ETNK1: variants seen among roughly 807,000 people sequenced by gnomAD.
The protein encoded by ETNK1 is ethanolamine kinase 1.
A neutral mutation model predicts 45.1 loss-of-function variants in ETNK1; 8 were observed. That is an observed-to-expected ratio of 0.18 (90% confidence interval 0.10 to 0.32). ETNK1 has a LOEUF of 0.32. Among genes scored for constraint, ETNK1 ranks in the 10% least tolerant of loss-of-function variants. ETNK1 has a pLI of 1.00. For missense variants in ETNK1, 302 were observed against 430.6 expected (o/e 0.70, Z 2.64); for synonymous variants, 152 against 151.9 (o/e 1.00, Z -0.01).
intron 1 of ETNK1, among the ~76,000 whole-genome samples, chr12:22,639,561 C>T (rs1953707290): frequency 6.6e-6 from 1 of 152,008 alleles, no homozygotes; most frequent in African/African-American, 2.4e-5. Context: ...CCTGTAATCC[C>T]AGCTACTTGG....
At chr12:22,650,219 A>T (rs994740610) in intron 2 of ETNK1, among the ~76,000 whole-genome samples, 2 of 151,602 alleles carry the variant, frequency 1.3e-5, no homozygotes, top group African/African-American at 4.8e-5. Flanking sequence ...CTCCATAGAA[A>T]ATCATGTTAT....
At chr12:22,627,701 C>T (rs562013560) in intron 1 of ETNK1, among the ~76,000 whole-genome samples, 5 of 152,122 alleles carry the variant, frequency 3.3e-5, no homozygotes, top group Middle Eastern at 3.4e-3. Flanking sequence ...ATATAGTCGA[C>T]AGAGTATAAT....
intron 2 of ETNK1, 72 bp downstream of exon 2, chr12:22,644,094 A>G: frequency 2.7e-6 from 4 of 1,500,274 alleles, no homozygotes; most frequent in Non-Finnish European, 3.6e-6. Context: ...ATATTTTTTA[A>G]AATTGTCTTT....
In ETNK1 at chr12:22,689,974, T is replaced by G. The variant is rs536257779; in HGVS notation, c.*5020T>G. The G allele has an allele frequency of 2.6e-5, 4 of 152,618 alleles. No homozygotes were observed. Among genetic ancestry groups the G allele is most frequent in the African/African-American group, 9.6e-5 (4 of 41,570 alleles). 9.5% of individuals were successfully genotyped at this position (152,618 alleles called of 1,614,324 possible). A position where few individuals can be genotyped will look rare whatever the true frequency, so the allele number is the denominator to read the frequency against. The stretch of plus-strand genomic sequence containing the variant: ...TATGAAGTATTTGAGTTTTAAAATA[T>G]ACTGTTATTAAAAGGAAAAAGACAT... On this transcript the variant is annotated 3_prime_UTR_variant, in exon 8 of 8. Transcript: ENST00000266517.
At chr12:22,631,866 T>TA (rs2137516234) in intron 1 of ETNK1, among the ~76,000 whole-genome samples, 1 of 152,338 alleles carries the variant, frequency 6.6e-6, no homozygotes, top group South Asian at 2.1e-4. Context: ...TACTCTTTGA[T>TA]ATACCAGATT....
rs963855788 is a variant in ETNK1, at chr12:22,659,754, A to G, written c.557+600A>G. Among the ~76,000 whole-genome samples, 7 of 152,206 alleles carry G rather than the reference A, an allele frequency of 4.6e-5. No homozygotes were observed. In the East Asian group the frequency reaches 7.7e-4, roughly 17 times the overall value. ...GGTAGCTGCTGTTTTAAAAATTACT[A>G]TTGTTATTCAAAGAAGGTTATTTGA... On this transcript the variant is annotated intron_variant, in intron 3 of 7. Transcript: ENST00000266517.
intron 6 of ETNK1, among the ~76,000 whole-genome samples, chr12:22,679,409 T>C (rs1954191980): frequency 6.6e-6 from 1 of 152,114 alleles, no homozygotes; most frequent in Admixed American, 6.5e-5. Flanking sequence ...CTGCTTTGTT[T>C]TTGCCGTGCT....
intron 2 of ETNK1, among the ~76,000 whole-genome samples, chr12:22,647,838 C>T (rs1953825519): frequency 6.6e-6 from 1 of 151,812 alleles, no homozygotes; most frequent in South Asian, 2.1e-4. Context: ...GGGTTTGAAA[C>T]ATTTGGCTTT....
Position 22,625,194 on chromosome 12 carries a change from G to C in ETNK1, c.-237G>C, listed in dbSNP as rs1368276768. ...CTGCGGCCGCCCGCGGTCCAGCTCC[G>C]ACAACAGGAATTTTCTCCGAGAGCG... On this transcript the variant is annotated 5_prime_UTR_variant, in exon 1 of 8. Coordinates refer to ENST00000266517, the MANE Select transcript of ETNK1 (RefSeq NM_018638.5). 2 of 1,608,704 alleles carry C rather than the reference G, an allele frequency of 1.2e-6. No homozygotes were observed. Among genetic ancestry groups the C allele is most frequent in the Non-Finnish European group, 1.7e-6 (2 of 1,177,584 alleles).
intron 6 of ETNK1, among the ~76,000 whole-genome samples, chr12:22,681,827 T>C (rs1954218279): frequency 6.6e-6 from 1 of 152,066 alleles, no homozygotes; most frequent in African/African-American, 2.4e-5. Context: ...TGTGATGGAT[T>C]GTTTCATTTC....
intron 3 of ETNK1, among the ~76,000 whole-genome samples, chr12:22,660,576 G>A (rs1953989577): frequency 6.6e-6 from 1 of 152,016 alleles, no homozygotes; most frequent in Admixed American, 6.5e-5. Context: ...ACTGTAGACA[G>A]TAATCTTTTG....
At chr12:22,659,932 A>G (rs1953982325) in intron 3 of ETNK1, among the ~76,000 whole-genome samples, 1 of 152,078 alleles carries the variant, frequency 6.6e-6, no homozygotes, top group Non-Finnish European at 1.5e-5. Flanking sequence ...AACACAATTA[A>G]AATATTAAAT....
At chr12:22,638,710 C>T (rs556896361) in intron 1 of ETNK1, 32 of 152,162 alleles carry the variant, frequency 2.1e-4, no homozygotes, top group African/African-American at 7.5e-4. Flanking sequence ...CTCTAGAGTT[C>T]CTCACTTATG....
intron 2 of ETNK1, among the ~76,000 whole-genome samples, chr12:22,646,410 T>A (rs1487376700): frequency 6.6e-6 from 1 of 151,768 alleles, no homozygotes; most frequent in East Asian, 1.9e-4. Flanking sequence ...AAGAAGAGGT[T>A]AAAGATGTAA....
intron 5 of ETNK1, among the ~76,000 whole-genome samples, chr12:22,672,557 A>G (rs1004752376): frequency 3.3e-5 from 5 of 152,226 alleles, no homozygotes; most frequent in African/African-American, 9.6e-5. Flanking sequence ...TAAAATATTA[A>G]CATGTTAGTA....
intron 2 of ETNK1, among the ~76,000 whole-genome samples, chr12:22,655,263 C>T (rs762924104): frequency 2.6e-5 from 4 of 151,944 alleles, no homozygotes; most frequent in African/African-American, 9.7e-5. Context: ...CCACTGCGCC[C>T]GGCCAACTTG....
rs775882809 is a variant in ETNK1, at chr12:22,679,428, A to G, written c.946-5055A>G. Among the ~76,000 whole-genome samples, 12 of 151,368 alleles carry G rather than the reference A, an allele frequency of 7.9e-5. No homozygotes were observed. The East Asian group carries it at 1.2e-3, about 15-fold the overall frequency. ...TTTGTTTTTGCCGTGCTGGCAGCCA[A>G]TTGGATGATACCAGCCGACATTGAG... On this transcript the variant is annotated intron_variant, in intron 6 of 7. Coordinates refer to ENST00000266517, the MANE Select transcript of ETNK1 (RefSeq NM_018638.5).
chr12:22,631,090 G>GACCATTAC (rs1401597614), intron 1 of ETNK1, among the ~76,000 whole-genome samples: 1 of 151,938 alleles, frequency 6.6e-6, no homozygotes, highest in African/African-American at 2.4e-5. Context: ...AGTGTCTTGA[G>GACCATTAC]ACCATTACAG....
chr12:22,665,854 CTTAA>C (rs1176459527), intron 4 of ETNK1, among the ~76,000 whole-genome samples: 17 of 151,930 alleles, frequency 1.1e-4, no homozygotes, highest in African/African-American at 3.9e-4. Context: ...AGTTATAGGA[CTTAA>C]TTAACAGATA....
Sources: gnomAD v4.1 joint callset for allele counts (sites outside exome capture counted in the v4.1 genomes callset) on GRCh38, gnomAD v4.1.1 for gene constraint, MANE v1.5 for transcripts, NCBI Gene and HGNC (gene_info 2026-07-23, HGNC 2026-07-21) for gene names.